The following GRID1 variants were observed in gnomAD, a reference collection of about 807,000 sequenced individuals.
GRID1 encodes glutamate ionotropic receptor delta type subunit 1.
Under a neutral mutation model 98.0 loss-of-function variants are expected in GRID1, and 28 were observed. That is an observed-to-expected ratio of 0.29 (90% CI 0.21 to 0.39). The LOEUF is 0.39. GRID1 is among the 10% of genes least tolerant of loss of function. GRID1 has a pLI of 1.00. For missense variants in GRID1, 1,111 were observed against 1,340.5 expected (o/e 0.83, Z 2.67); for synonymous variants, 553 against 538.5 (o/e 1.03, Z -0.37).
chr10:85,618,393 A>G (rs1842816985), intron 14 of GRID1, among the ~76,000 whole-genome samples: 1 of 152,140 alleles, frequency 6.6e-6, no homozygotes, highest in Non-Finnish European at 1.5e-5. Context: ...CATTTCGGAA[A>G]ACCAACTGGT....
intron 3 of GRID1, 68 bp from the exon 4 acceptor site, chr10:86,139,092 C>A: frequency 9.4e-7 from 1 of 1,061,248 alleles, no homozygotes; most frequent in Non-Finnish European, 1.5e-6. Flanking sequence ...GGGAGGGTGT[C>A]TAACTGCAAC....
chr10:85,976,273 T>C (rs1179092585), intron 4 of GRID1, among the ~76,000 whole-genome samples: 1 of 152,262 alleles, frequency 6.6e-6, no homozygotes. Context: ...TGCAAGGCTG[T>C]GTTCTGCTGA....
chr10:85,739,123 G>A (rs1188889620), intron 8 of GRID1, among the ~76,000 whole-genome samples: 1 of 151,872 alleles, frequency 6.6e-6, no homozygotes, highest in Non-Finnish European at 1.5e-5. Flanking sequence ...TATAGTTAAG[G>A]TTTATTTAGA....
chr10:86,034,727 C>A (rs935642956), intron 4 of GRID1, among the ~76,000 whole-genome samples: 1 of 151,990 alleles, frequency 6.6e-6, no homozygotes, highest in African/African-American at 2.4e-5. Flanking sequence ...CTTTGGCCTG[C>A]CTCATTGGCG....
intron 4 of GRID1, among the ~76,000 whole-genome samples, chr10:85,938,822 T>TA (rs1478340269): frequency 6.6e-6 from 1 of 152,194 alleles, no homozygotes; most frequent in Admixed American, 6.5e-5. Context: ...TGGAAAGCTT[T>TA]AAAAAATTAC....
At chr10:85,770,926 A>G (rs1353699750) in intron 8 of GRID1, among the ~76,000 whole-genome samples, 2 of 151,990 alleles carry the variant, frequency 1.3e-5, no homozygotes, top group Admixed American at 1.3e-4. Context: ...GGAGAACCCC[A>G]GCCTAGCAAG....
chr10:86,015,249 C>T (rs1009305458), intron 4 of GRID1, among the ~76,000 whole-genome samples: 1 of 152,162 alleles, frequency 6.6e-6, no homozygotes, highest in Non-Finnish European at 1.5e-5. Flanking sequence ...GTTGAAGAAA[C>T]GCACACGGGT....
chr10:85,771,726 G>T (rs888485677), intron 8 of GRID1, among the ~76,000 whole-genome samples: 1 of 152,100 alleles, frequency 6.6e-6, no homozygotes, highest in African/African-American at 2.4e-5. Flanking sequence ...AGACAAAGGC[G>T]GCCATTACAT....
intron 8 of GRID1, among the ~76,000 whole-genome samples, chr10:85,743,140 C>G (rs1168743926): frequency 8.2e-6 from 1 of 121,878 alleles, no homozygotes; most frequent in Non-Finnish European, 1.6e-5. Flanking sequence ...AACCAATTAT[C>G]TAGGAGAATC....
chr10:86,228,311 G>T (rs1351736163), intron 2 of GRID1, among the ~76,000 whole-genome samples: 4 of 144,290 alleles, frequency 2.8e-5, no homozygotes, highest in Non-Finnish European at 6.1e-5. Context: ...CATGGGAGGG[G>T]GTGGGTGGGG....
intron 2 of GRID1, among the ~76,000 whole-genome samples, chr10:86,218,980 C>G (rs1846213680): frequency 6.6e-6 from 1 of 152,202 alleles, no homozygotes; most frequent in Non-Finnish European, 1.5e-5. Context: ...ACAGCACAGC[C>G]CGAGACAGCT....
chr10:86,289,771 C>G (rs780963412), intron 2 of GRID1, among the ~76,000 whole-genome samples: 3 of 152,176 alleles, frequency 2.0e-5, no homozygotes, highest in Admixed American at 6.5e-5. Flanking sequence ...GTCCTACTCA[C>G]CCCAGTTGGT....
At chr10:85,905,116 A>G (rs1251300029) in intron 5 of GRID1, among the ~76,000 whole-genome samples, 1 of 152,034 alleles carries the variant, frequency 6.6e-6, no homozygotes, top group Non-Finnish European at 1.5e-5. Flanking sequence ...AAAAGAAGAA[A>G]CATTAAAAGA....
chr10:86,235,928 G>T (rs138323698), intron 2 of GRID1, among the ~76,000 whole-genome samples: 166 of 152,366 alleles, frequency 1.1e-3, no homozygotes, highest in African/African-American at 3.8e-3. Flanking sequence ...ATTGCTAAAT[G>T]ATATGGTGAA....
At chr10:86,330,059 C>T (rs1397679493) in intron 2 of GRID1, among the ~76,000 whole-genome samples, 1 of 152,134 alleles carries the variant, frequency 6.6e-6, no homozygotes, top group Non-Finnish European at 1.5e-5. Context: ...AGTCCTTCCC[C>T]TCCCCCATCC....
chr10:85,800,004 CAATT>C (rs1842561550), intron 8 of GRID1, among the ~76,000 whole-genome samples: 1 of 151,802 alleles, frequency 6.6e-6, no homozygotes, highest in Admixed American at 6.6e-5. Context: ...TATTATGTGT[CAATT>C]AAAAGACAAA....
At position 85,599,805 on chromosome 10, in the gene GRID1, A is replaced by ATG. The variant is rs1443129372; in HGVS notation, c.*2467_*2468insCA. On this transcript the variant is annotated 3_prime_UTR_variant, in exon 16 of 16. Coordinates refer to ENST00000327946, the MANE Select transcript of GRID1 (RefSeq NM_017551.3). ...GAAAATTCTAAAAAAAAAAAAAAAT[A>ATG]TATATATATATATATAAACATGGTG... 1 of 112,840 alleles carries ATG rather than the reference A, an allele frequency of 8.9e-6. No homozygotes were observed. Among genetic ancestry groups the ATG allele is most frequent in the African/African-American group, 3.5e-5 (1 of 28,472 alleles). 7.0% of individuals were successfully genotyped at this position (112,840 alleles called of 1,614,324 possible).
Position 85,729,524 on chromosome 10 carries a change from C to A in GRID1, c.1324G>T (p.Val442Leu), listed in dbSNP as rs775790475. 6.2e-7 allele frequency: 1 copy of A among 1,602,024 alleles called. No homozygotes were observed. The highest frequency in any genetic ancestry group is 8.6e-7 in the Non-Finnish European group (1 of 1,169,406). ...CCCCATGATCCTACCAAGACAGTCA[C>A]CACTTTAAGAGTCAATCCTTGGAGG... ...SRLQGLTLKV[V>L]TVLEEPFVMV... is the part of the protein sequence containing the mutation. Residue 442 changes from valine to leucine, a missense_variant, in exon 9 of 16, where the codon GTG (valine) becomes TTG (leucine). Transcript: ENST00000327946.
chr10:86,343,009 C>G (rs1190233860), intron 2 of GRID1, among the ~76,000 whole-genome samples: 1 of 152,158 alleles, frequency 6.6e-6, no homozygotes, highest in Admixed American at 6.5e-5. Context: ...TTATACTATC[C>G]CCACTGAAGG....
Sources: gnomAD v4.1 joint callset for allele counts (sites outside exome capture counted in the v4.1 genomes callset) on GRCh38, gnomAD v4.1.1 for gene constraint, MANE v1.5 for transcripts, NCBI Gene and HGNC (gene_info 2026-07-23, HGNC 2026-07-21) for gene names.